UGT1A8: variants seen among roughly 807,000 people sequenced by gnomAD.
The protein encoded by UGT1A8 is UDP glucuronosyltransferase family 1 member A8.
A neutral mutation model predicts 45.3 loss-of-function variants in UGT1A8; 39 were observed. The ratio of observed to expected loss-of-function variants is 0.86; its 90% confidence interval spans 0.67 to 1.12. The LOEUF (loss-of-function observed/expected upper bound fraction) is 1.12, where lower values mean the gene tolerates loss of function less well. Among genes scored for constraint, UGT1A8 ranks in the 50% most tolerant of loss-of-function variants. UGT1A8 has a pLI of 0.00. For synonymous variants in UGT1A8, 275 were observed against 249.2 expected, an observed-to-expected ratio of 1.10 and a Z score of -0.97; for missense variants, 719 against 664.9, an observed-to-expected ratio of 1.08 and a Z score of -0.90.
intron 1 of UGT1A8, among the ~76,000 whole-genome samples, chr2:233,661,839 G>A (rs1282958582): frequency 1.3e-5 from 2 of 151,358 alleles, no homozygotes; most frequent in Non-Finnish European, 1.5e-5. Flanking sequence ...CATCACTAGC[G>A]ACACTTTGTA....
Position 233,747,869 on chromosome 2 carries a change from C to T in UGT1A8, c.856-19165C>T, listed in dbSNP as rs1693798150. The T allele has an allele frequency of 2.5e-6, 4 of 1,613,468 alleles. No individual in the cohort carries two copies. In the Admixed American group the frequency reaches 6.7e-5, roughly 27 times the overall value. Reference sequence around the variant, plus strand: ...TCAAGAACATGCTCTACCCTCTGGCCCTGTCCTACCTTTGCCATGCTCTTT... The same window carrying T: ...TCAAGAACATGCTCTACCCTCTGGCTCTGTCCTACCTTTGCCATGCTCTTT... On this transcript the variant is annotated intron_variant, in intron 1 of 4. Coordinates refer to ENST00000373450, the MANE Select transcript of UGT1A8 (RefSeq NM_019076.5).
At chr2:233,641,160 C>T (rs2073441801) in intron 1 of UGT1A8, among the ~76,000 whole-genome samples, 1 of 152,168 alleles carries the variant, frequency 6.6e-6, no homozygotes, top group African/African-American at 2.4e-5. Flanking sequence ...TCTTCTCTTG[C>T]TGACTATCTT....
intron 4 of UGT1A8, among the ~76,000 whole-genome samples, chr2:233,768,707 C>T (rs1156909231): frequency 6.0e-5 from 9 of 150,670 alleles, no homozygotes; most frequent in Non-Finnish European, 1.3e-4. Flanking sequence ...CCTCAGCCTC[C>T]GTGTAGCTGG....
At chr2:233,743,605 G>C in intron 1 of UGT1A8, 5 of 1,367,304 alleles carry the variant, frequency 3.7e-6, no homozygotes, top group Non-Finnish European at 4.9e-6. Flanking sequence ...CCTGGCCGCC[G>C]AAGAACTCCC....
rs1133495 is a variant in UGT1A8 at position 233,754,558 on chromosome 2, G to C, written c.856-12476G>C. On this transcript the variant is annotated intron_variant, in intron 1 of 4. Transcript: ENST00000373450. The stretch of plus-strand genomic sequence containing the variant: ...GGACTGGAATTACTTGGTGTCAATG[G>C]GGAGCAACTGCTCTATGCCGTTTAT... The C allele has an allele frequency of 1.8e-5, 7 of 391,006 alleles. No homozygotes were observed. In the East Asian group the frequency reaches 2.9e-4, roughly 16 times the overall value. The allele number at this position is 391,006 out of a possible 1,614,324, so 24.2% of individuals were successfully genotyped here. A position where few individuals can be genotyped will look rare whatever the true frequency, so the allele number is the denominator to read the frequency against.
At chr2:233,684,194 T>C (rs2074666904) in intron 1 of UGT1A8, among the ~76,000 whole-genome samples, 1 of 152,190 alleles carries the variant, frequency 6.6e-6, no homozygotes, top group African/African-American at 2.4e-5. Context: ...AAAGAGTGAC[T>C]GTTCAACCAA....
chr2:233,632,318 G>C (rs926045041), intron 1 of UGT1A8, among the ~76,000 whole-genome samples: 1 of 152,106 alleles, frequency 6.6e-6, no homozygotes, highest in African/African-American at 2.4e-5. Flanking sequence ...GGATATACAG[G>C]CTATTTTTTA....
At position 233,694,026 on chromosome 2, in the gene UGT1A8, T is replaced by G. The variant is rs45617840; in HGVS notation, c.856-73008T>G. On this transcript the variant is annotated intron_variant, in intron 1 of 4. Transcript: ENST00000373450. ...GAGCAGCGGGAACACATAGGAGACC[T>G]GAGGCTGAAGTGATACAGAGGCATT... Among the ~76,000 whole-genome samples, 569 of 152,270 alleles carry G rather than the reference T, an allele frequency of 3.7e-3. 7 individuals carry two copies. Among genetic ancestry groups the G allele is most frequent in the African/African-American group, 0.013 (545 of 41,542 alleles).
At chr2:233,647,963 C>T (rs1318590414) in intron 1 of UGT1A8, 13 of 1,606,928 alleles carry the variant, frequency 8.1e-6, no homozygotes, top group Admixed American at 5.0e-5. Flanking sequence ...ACCATGTGGT[C>T]GGTGGTGGAG....
intron 1 of UGT1A8, among the ~76,000 whole-genome samples, chr2:233,664,569 G>C (rs562921620): frequency 1.3e-5 from 2 of 152,316 alleles, no homozygotes; most frequent in East Asian, 3.9e-4. Flanking sequence ...CATGGTAGAA[G>C]ATGAAGCAGG....
At chr2:233,670,329 T>C (rs1479722017) in intron 1 of UGT1A8, among the ~76,000 whole-genome samples, 1 of 152,186 alleles carries the variant, frequency 6.6e-6, no homozygotes, top group Non-Finnish European at 1.5e-5. Flanking sequence ...GAGAGACAGG[T>C]ACACTTGGTG....
chr2:233,678,349 G>T (rs2074414759), intron 1 of UGT1A8, among the ~76,000 whole-genome samples: 1 of 152,100 alleles, frequency 6.6e-6, no homozygotes, highest in African/African-American at 2.4e-5. Context: ...CATCATAAAG[G>T]TCTCCATCCT....
rs1559415650 is a variant in UGT1A8, at chr2:233,768,355, A to G, written c.1211A>G (p.Lys404Arg). ...GACAATGCAAAGCGCATGGAGACTA[A>G]GGGAGCTGGAGTGACCCTGAATGTT... is the stretch of plus-strand genomic sequence containing the variant. The part of the protein sequence containing the change: ...QMDNAKRMET[K>R]GAGVTLNVLE... The change falls in exon 4 of 5, where the codon AAG becomes AGG. Residue 404 changes from lysine to arginine, a missense_variant. Coordinates refer to ENST00000373450, the MANE Select transcript of UGT1A8 (RefSeq NM_019076.5). The G allele has an allele frequency of 6.2e-7, 1 of 1,614,200 alleles. No individual in the cohort carries two copies. The highest frequency in any genetic ancestry group is 1.1e-5 in the South Asian group (1 of 91,084).
chr2:233,631,181 A>G (rs1443316716), intron 1 of UGT1A8, among the ~76,000 whole-genome samples: 3 of 152,108 alleles, frequency 2.0e-5, no homozygotes, highest in East Asian at 3.9e-4. Flanking sequence ...CATCCTTTTT[A>G]ATGGCTGCAT....
At chr2:233,728,353 G>T (rs563939650) in intron 1 of UGT1A8, among the ~76,000 whole-genome samples, 5 of 152,310 alleles carry the variant, frequency 3.3e-5, no homozygotes, top group Admixed American at 3.3e-4. Context: ...GTGAGCAGGA[G>T]CTCCCTGAAC....
chr2:233,755,330 C>G (rs1695864854), intron 1 of UGT1A8: 1 of 463,614 alleles, frequency 2.2e-6, no homozygotes, highest in Non-Finnish European at 3.7e-6. Context: ...TGCCAGCACC[C>G]GCGCACAGGT....
intron 1 of UGT1A8, among the ~76,000 whole-genome samples, chr2:233,632,387 T>C (rs868835604): frequency 1.6e-4 from 24 of 152,200 alleles, no homozygotes; most frequent in Admixed American, 9.2e-4. Context: ...CAATGGTAGC[T>C]TGATGTGGAT....
intron 1 of UGT1A8, among the ~76,000 whole-genome samples, chr2:233,705,253 T>C (rs2075835852): frequency 6.6e-6 from 1 of 152,224 alleles, no homozygotes; most frequent in Admixed American, 6.5e-5. Flanking sequence ...TTCAGATTAT[T>C]CTATGGGGTC....
chr2:233,729,936 G>T lies in UGT1A8; in HGVS notation c.856-37098G>T, dbSNP rs1335744695. On this transcript the variant is annotated intron_variant, in intron 1 of 4. Transcript: ENST00000373450. ...TGATGGACTACCCCAGGCCAATCAT[G>T]CCCAACATGGTCTTCATTGGGGGCA... 5 of 1,613,890 alleles carry T rather than the reference G, an allele frequency of 3.1e-6. No individual in the cohort carries two copies. In the African/African-American group the frequency reaches 6.7e-5, roughly 22 times the overall value.
Sources: allele counts gnomAD v4.1 joint callset (sites outside exome capture counted in the v4.1 genomes callset), GRCh38; gene constraint gnomAD v4.1.1; transcripts MANE v1.5; gene names NCBI Gene and HGNC (gene_info 2026-07-23, HGNC 2026-07-21).